The following YAP1 variants were observed in gnomAD, a reference collection of about 807,000 sequenced individuals.
YAP1 encodes the protein Yes1 associated transcriptional regulator.
In YAP1, 5 loss-of-function variants were observed where a neutral mutation model predicts 56.9. That is an observed-to-expected ratio of 0.09 (90% CI 0.05 to 0.18). The LOEUF (loss-of-function observed/expected upper bound fraction) is 0.18, where lower values mean the gene tolerates loss of function less well. Ranked by LOEUF, YAP1 falls within the 10% of genes least tolerant of loss-of-function variation. The probability of loss-of-function intolerance (pLI) is 1.00; values close to 1 mark genes in which losing one functional copy is unlikely to be tolerated. For missense variants in YAP1, 539 were observed against 651.8 expected (o/e 0.83, Z 1.88); for synonymous variants, 265 against 248.1 (o/e 1.07, Z -0.64).
At chr11:102,127,348 T>C (rs746969965) in intron 2 of YAP1, among the ~76,000 whole-genome samples, 11 of 152,192 alleles carry the variant, frequency 7.2e-5, no homozygotes, top group Non-Finnish European at 1.2e-4. Context: ...GTGTGCAGTC[T>C]AGGGACTTGG....
chr11:102,200,936 G>A (rs912881380), intron 4 of YAP1, among the ~76,000 whole-genome samples: 3 of 152,004 alleles, frequency 2.0e-5, no homozygotes, highest in Non-Finnish European at 2.9e-5. Context: ...CAAGTCCTTG[G>A]GGGCAAAAAA....
intron 2 of YAP1, among the ~76,000 whole-genome samples, chr11:102,122,895 C>CAAAAAGAAAAA (rs1943759087): frequency 1.3e-5 from 1 of 79,448 alleles, no homozygotes; most frequent in African/African-American, 4.7e-5. Context: ...AGACTTCTCT[C>CAAAAAGAAAAA]AAAAAAAAAA....
intron 5 of YAP1, among the ~76,000 whole-genome samples, chr11:102,208,784 C>A (rs1191482641): frequency 6.6e-6 from 1 of 152,014 alleles, no homozygotes; most frequent in African/African-American, 2.4e-5. Flanking sequence ...AAAAAAAGTT[C>A]TTTAATTACT....
intron 6 of YAP1, among the ~76,000 whole-genome samples, chr11:102,214,969 T>C (rs1001226430): frequency 2.0e-5 from 3 of 152,252 alleles, no homozygotes; most frequent in Non-Finnish European, 4.4e-5. Context: ...TTCTCATAAC[T>C]GTCCCCCAAT....
At chr11:102,170,412 C>T (rs1032727654) in intron 3 of YAP1, among the ~76,000 whole-genome samples, 1 of 152,104 alleles carries the variant, frequency 6.6e-6, no homozygotes, top group African/African-American at 2.4e-5. Flanking sequence ...CTATCTAAAT[C>T]TCAAATGTGT....
chr11:102,211,138 T>C (rs573636731), intron 6 of YAP1, among the ~76,000 whole-genome samples: 1 of 152,330 alleles, frequency 6.6e-6, no homozygotes, highest in South Asian at 2.1e-4. Context: ...CAAAGGAGAT[T>C]TGGATTCAGG....
At chr11:102,177,280 T>G (rs761688871) in intron 3 of YAP1, among the ~76,000 whole-genome samples, 1 of 152,034 alleles carries the variant, frequency 6.6e-6, no homozygotes, top group Non-Finnish European at 1.5e-5. Context: ...CACTAAAAAT[T>G]TGAGAATTTT....
chr11:102,202,354 T>C (rs913916651), intron 4 of YAP1, among the ~76,000 whole-genome samples: 4 of 132,322 alleles, frequency 3.0e-5, no homozygotes, highest in Admixed American at 7.8e-5. Context: ...TTTTTTTTGG[T>C]ATTTTTAGTA....
chr11:102,199,124 A>G lies in YAP1; in HGVS notation c.803-6769A>G, dbSNP rs114317878. On this transcript the variant is annotated intron_variant, in intron 4 of 8. Coordinates refer to ENST00000282441, the MANE Select transcript of YAP1 (RefSeq NM_001130145.3). Reference sequence around the variant, plus strand: ...TTAGGTTTAGAAAGAAGTTCTGCAGAAGAGAGAGGACTAAGGTTTATGGAG... The same window carrying G: ...TTAGGTTTAGAAAGAAGTTCTGCAGGAGAGAGAGGACTAAGGTTTATGGAG... 6.9e-3 allele frequency among the ~76,000 whole-genome samples: 1,054 copies of G among 152,306 alleles called. 19 individuals are homozygous for G. Among genetic ancestry groups the G allele is most frequent in the African/African-American group, 0.025 (1,021 of 41,574 alleles).
rs1943140574 is a variant in YAP1, at chr11:102,114,246, C to A, written c.424C>A (p.Leu142Met). The stretch of plus-strand genomic sequence containing the variant: ...GTTGGGAGCTGTTTCTCCTGGGACA[C>A]TGACCCCCACTGGAGTAGTCTCTGG... ...LQLGAVSPGTLTPTGVVSGPA... is the reference protein window; with the variant it reads ...LQLGAVSPGTMTPTGVVSGPA... Residue 142 changes from leucine (L) to methionine (M), a missense_variant, in exon 2 of 9, where the codon CTG (leucine) becomes ATG (methionine). Coordinates refer to ENST00000282441, the MANE Select transcript of YAP1 (RefSeq NM_001130145.3). 1 of 1,614,060 alleles carries A rather than the reference C, an allele frequency of 6.2e-7. No homozygotes were observed. Among genetic ancestry groups the A allele is most frequent in the African/African-American group, 1.3e-5 (1 of 74,938 alleles).
intron 6 of YAP1, among the ~76,000 whole-genome samples, chr11:102,210,426 A>G (rs539545545): frequency 2.0e-5 from 3 of 152,292 alleles, no homozygotes; most frequent in Non-Finnish European, 1.5e-5. Flanking sequence ...CTCATTTTGG[A>G]TACTGTTAAG....
chr11:102,116,438 A>G (rs1452530750), intron 2 of YAP1, among the ~76,000 whole-genome samples: 2 of 152,144 alleles, frequency 1.3e-5, no homozygotes, highest in East Asian at 1.9e-4. Flanking sequence ...ATGACTATTC[A>G]TTTTTCAAAG....
intron 6 of YAP1, among the ~76,000 whole-genome samples, chr11:102,213,362 T>C (rs1387415942): frequency 1.3e-5 from 2 of 152,164 alleles, no homozygotes; most frequent in African/African-American, 4.8e-5. Context: ...GGCGGGCGCC[T>C]TTAATCCCAG....
intron 2 of YAP1, among the ~76,000 whole-genome samples, chr11:102,141,103 C>G (rs17097419): frequency 0.015 from 2,271 of 152,216 alleles, 58 homozygotes; most frequent in African/African-American, 0.052. Context: ...CCTTAAGATT[C>G]AGCTCAGGTG....
intron 2 of YAP1, among the ~76,000 whole-genome samples, chr11:102,123,297 G>A (rs1262700478): frequency 6.6e-6 from 1 of 152,078 alleles, no homozygotes; most frequent in Non-Finnish European, 1.5e-5. Context: ...GCCCACCTTG[G>A]AGCTATCCTT....
In YAP1 at chr11:102,170,688, G is replaced by A. The variant is rs181404748; in HGVS notation, c.688+8117G>A. 1.4e-4 allele frequency among the ~76,000 whole-genome samples: 22 copies of A among 152,206 alleles called. No homozygotes were observed. The East Asian group carries it at 4.0e-3, about 28-fold the overall frequency. On this transcript the variant is annotated intron_variant, in intron 3 of 8. Transcript: ENST00000282441. ...GAATGTTATTAAGATTTTAAGGTAG[G>A]CCGGGTGTGGTGGCTCACACCTATA...
At chr11:102,224,704 T>G (rs1378023120) in intron 7 of YAP1, among the ~76,000 whole-genome samples, 2 of 152,250 alleles carry the variant, frequency 1.3e-5, no homozygotes, top group Non-Finnish European at 2.9e-5. Flanking sequence ...GTGGCCTAGT[T>G]GGAAGGTTTG....
chr11:102,160,168 C>T (rs1946185021), intron 2 of YAP1, among the ~76,000 whole-genome samples: 3 of 151,960 alleles, frequency 2.0e-5, no homozygotes, highest in Admixed American at 1.3e-4. Flanking sequence ...GGATTACAGG[C>T]GTGTGCCACC....
At chr11:102,211,383 G>C (rs973666153) in intron 6 of YAP1, among the ~76,000 whole-genome samples, 1 of 152,168 alleles carries the variant, frequency 6.6e-6, no homozygotes, top group Non-Finnish European at 1.5e-5. Context: ...ACGAAGATTA[G>C]AGGTAATTAC....
Sources: allele counts gnomAD v4.1 joint callset (sites outside exome capture counted in the v4.1 genomes callset), GRCh38; gene constraint gnomAD v4.1.1; transcripts MANE v1.5; gene names NCBI Gene and HGNC (gene_info 2026-07-23, HGNC 2026-07-21).